Variants in LINS1 observed in about 807,000 individuals in gnomAD.
The protein encoded by LINS1 is lines homolog 1.
A neutral mutation model predicts 41.6 loss-of-function variants in LINS1; 27 were observed. The ratio of observed to expected loss-of-function variants is 0.65; its 90% CI spans 0.48 to 0.89. The LOEUF (loss-of-function observed/expected upper bound fraction) is 0.89, where lower values mean the gene tolerates loss of function less well. Ranked by LOEUF, LINS1 falls within the 40% of genes least tolerant of loss-of-function variation. LINS1 has a pLI of 0.00. For synonymous variants in LINS1, 336 were observed against 312.9 expected (o/e 1.07, Z -0.78); for missense variants, 955 against 884.1 (o/e 1.08, Z -1.02).
In LINS1 at chr15:100,580,683, C is replaced by G. The variant is rs2141309184; in HGVS notation, c.160G>C (p.Gly54Arg). ...ATGGGCTGATGCCTGCCCTGGATAC[C>G]ACAGGTGTTTGCCCATTCTAAGGAG... is the stretch of plus-strand genomic sequence containing the variant. The part of the protein sequence containing the change: ...ATSLEWANTC[G>R]IQGRHQPISV... Residue 54 changes from glycine (G) to arginine (R), a missense_variant, in exon 2 of 7, where the codon GGT becomes CGT. By Grantham distance (125) the Gly-to-Arg change is moderately radical. Coordinates refer to ENST00000314742, the MANE Select transcript of LINS1 (RefSeq NM_001040616.3). The G allele has an allele frequency of 4.3e-6, 7 of 1,613,830 alleles. No individual in the cohort carries two copies. Among genetic ancestry groups the G allele is most frequent in the Non-Finnish European group, 5.9e-6 (7 of 1,179,880 alleles).
At chr15:100,573,589 A>G in intron 5 of LINS1, 62 bp downstream of exon 5, 1 of 1,039,052 alleles carries the variant, frequency 9.6e-7, no homozygotes, top group Non-Finnish European at 1.5e-6. Context: ...TTTGATAATT[A>G]TGAATTACTG....
rs1176672100 is a variant in LINS1 at position 100,573,688 on chromosome 15, G to C, written c.1185C>G (p.Ile395Met). The C allele has an allele frequency of 9.9e-6, 16 of 1,608,986 alleles. No individual in the cohort carries two copies. The highest frequency in any genetic ancestry group is 1.7e-5 in the Admixed American group (1 of 59,084). Residue 395 changes from isoleucine to methionine, a missense_variant, in exon 5 of 7, where the codon ATC becomes ATG. Physicochemically the swap from Ile to Met is conservative, Grantham distance 10. Transcript: ENST00000314742. ...TTGCTGAAGAATAATTTTGAAACTT[G>C]ATTTCTAAGGATTTCATTATAACTA... ...ASLVIMKSLE[I>M]KFQNYSSASE... is the part of the protein sequence containing the mutation.
chr15:100,595,223 G>A (rs1368525450), intron 1 of LINS1, among the ~76,000 whole-genome samples: 1 of 151,730 alleles, frequency 6.6e-6, no homozygotes, highest in Non-Finnish European at 1.5e-5. Flanking sequence ...TTTAAAACTT[G>A]CTCTGCAAAA....
intron 1 of LINS1, among the ~76,000 whole-genome samples, chr15:100,597,767 G>A (rs2039309498): frequency 6.6e-6 from 1 of 152,200 alleles, no homozygotes; most frequent in Non-Finnish European, 1.5e-5. Flanking sequence ...CAGTGGCAGG[G>A]TAGCGTTGAG....
At chr15:100,601,671 T>C (rs937401985) in intron 1 of LINS1, among the ~76,000 whole-genome samples, 2 of 152,074 alleles carry the variant, frequency 1.3e-5, no homozygotes, top group African/African-American at 4.8e-5. Flanking sequence ...CCGAAATCAC[T>C]ATCTTGTTCA....
In LINS1 at chr15:100,580,621, C is replaced by T. The variant is rs1442167858; in HGVS notation, c.222G>A (p.Val74=). Residue 74 remains valine (V), a synonymous_variant, in exon 2 of 7, where the codon GTG becomes GTA. Coordinates refer to ENST00000314742, the MANE Select transcript of LINS1 (RefSeq NM_001040616.3). ...TCATCTGAGAGTTGGTCTTCAAACA[C>T]ACAGGTGCTACAGCAATGGGAGCCA... The part of the protein sequence containing the change: ...VGVAPIAVAP[V]CLKTNSQMSG... 6.2e-7 allele frequency: 1 copy of T among 1,613,982 alleles called. No individual in the cohort carries two copies. Among genetic ancestry groups the T allele is most frequent in the South Asian group, 1.1e-5 (1 of 91,082 alleles).
chr15:100,594,003 G>T (rs1032058657), intron 1 of LINS1, among the ~76,000 whole-genome samples: 1 of 152,140 alleles, frequency 6.6e-6, no homozygotes, highest in African/African-American at 2.4e-5. Context: ...CGGTATCTGT[G>T]GGGGATTGGT....
intron 3 of LINS1, among the ~76,000 whole-genome samples, chr15:100,575,806 G>A (rs537278911): frequency 6.6e-6 from 1 of 152,316 alleles, no homozygotes; most frequent in South Asian, 2.1e-4. Context: ...TAAAAGAACA[G>A]AAATCACAAC....
At chr15:100,594,443 T>C (rs541151746) in intron 1 of LINS1, among the ~76,000 whole-genome samples, 271 of 152,258 alleles carry the variant, frequency 1.8e-3, no homozygotes, top group African/African-American at 6.3e-3. Flanking sequence ...CACGGTTTTC[T>C]GGAATTGTGA....
intron 1 of LINS1, among the ~76,000 whole-genome samples, chr15:100,599,192 A>G (rs1315715884): frequency 2.6e-5 from 4 of 152,238 alleles, no homozygotes; most frequent in Non-Finnish European, 5.9e-5. Context: ...TGTGAGTTTT[A>G]TATTATTAAC....
rs576988589 is a variant in LINS1 at position 100,571,478 on chromosome 15, G to A, written c.1394+416C>T. Among the ~76,000 whole-genome samples the A allele has an allele frequency of 1.8e-4, 28 of 152,242 alleles. 1 individual carries two copies. The South Asian group carries it at 3.5e-3, about 19-fold the overall frequency. ...GTATCAGCCCAAATTCGACTGAAACGAAAATTCAGAACAGCTTCTTTGATT... is the reference window on the plus strand; with the variant it reads ...GTATCAGCCCAAATTCGACTGAAACAAAAATTCAGAACAGCTTCTTTGATT... On this transcript the variant is annotated intron_variant, in intron 6 of 6. Transcript: ENST00000314742.
intron 6 of LINS1, among the ~76,000 whole-genome samples, chr15:100,571,018 G>C (rs529640209): frequency 6.6e-6 from 1 of 152,168 alleles, no homozygotes; most frequent in Non-Finnish European, 1.5e-5. Flanking sequence ...TCTTACAGGC[G>C]TGTGCATTTT....
chr15:100,574,477 G>A (rs796818668), intron 4 of LINS1, among the ~76,000 whole-genome samples: 2 of 152,360 alleles, frequency 1.3e-5, no homozygotes, highest in African/African-American at 4.8e-5. Flanking sequence ...GGAGGCCGAT[G>A]CGGGTGGATC....
chr15:100,598,620 G>A (rs944179275), intron 1 of LINS1, among the ~76,000 whole-genome samples: 2 of 152,160 alleles, frequency 1.3e-5, no homozygotes, highest in Non-Finnish European at 2.9e-5. Context: ...GAACTCAAAA[G>A]CCTCCAGTTA....
At chr15:100,598,405 T>C (rs1419826977) in intron 1 of LINS1, among the ~76,000 whole-genome samples, 1 of 152,238 alleles carries the variant, frequency 6.6e-6, no homozygotes, top group Non-Finnish European at 1.5e-5. Context: ...TTTTAAATTA[T>C]AATAAAAATG....
At position 100,575,162 on chromosome 15, in the gene LINS1, T is replaced by C. The variant is rs201662696; in HGVS notation, c.490-34A>G. On this transcript the variant is annotated intron_variant, in intron 3 of 6. Coordinates refer to ENST00000314742, the MANE Select transcript of LINS1 (RefSeq NM_001040616.3). ...GAGAAAATAAAGCAAGCAGTTAAAA[T>C]ACAATATTTTCTTTACATAATACAA... 1.2e-3 allele frequency: 1,844 copies of C among 1,577,628 alleles called. 3 individuals are homozygous for C. Among genetic ancestry groups the C allele is most frequent in the Non-Finnish European group, 1.4e-3 (1,651 of 1,154,918 alleles).
At chr15:100,573,495 C>A (rs1045091556) in intron 5 of LINS1, 156 bp downstream of exon 5, 7 of 613,006 alleles carry the variant, frequency 1.1e-5, no homozygotes, top group Non-Finnish European at 1.8e-5. Flanking sequence ...AAATCCAGTT[C>A]TTTTTTTTTT....
chr15:100,594,101 T>C (rs1478861210), intron 1 of LINS1, among the ~76,000 whole-genome samples: 1 of 152,232 alleles, frequency 6.6e-6, no homozygotes, highest in Non-Finnish European at 1.5e-5. Context: ...ACTGTGCACA[T>C]CCTGCCATAT....
intron 1 of LINS1, among the ~76,000 whole-genome samples, chr15:100,597,095 G>T (rs1263999204): frequency 6.6e-6 from 1 of 152,068 alleles, no homozygotes; most frequent in Non-Finnish European, 1.5e-5. Flanking sequence ...GCACATCCAG[G>T]CTCCTCTTTT....
Sources: allele counts gnomAD v4.1 joint callset (sites outside exome capture counted in the v4.1 genomes callset), GRCh38; gene constraint gnomAD v4.1.1; transcripts MANE v1.5; gene names NCBI Gene and HGNC (gene_info 2026-07-23, HGNC 2026-07-21).